LRRTM4: variants seen among roughly 807,000 people sequenced by gnomAD.
The protein encoded by LRRTM4 is leucine rich repeat transmembrane neuronal 4.
In LRRTM4, 25 loss-of-function variants were observed where a neutral mutation model predicts 47.6. That is an observed-to-expected ratio of 0.53 (90% CI 0.38 to 0.73). The LOEUF (loss-of-function observed/expected upper bound fraction) is 0.73. Ranked by LOEUF, LRRTM4 falls within the 30% of genes least tolerant of loss-of-function variation. LRRTM4 has a pLI of 0.00. For missense variants in LRRTM4, 638 were observed against 713.4 expected (o/e 0.89, Z 1.20); for synonymous variants, 311 against 269.5 (o/e 1.15, Z -1.51).
chr2:77,434,798 A>G (rs1479423607), intron 3 of LRRTM4, among the ~76,000 whole-genome samples: 1 of 152,196 alleles, frequency 6.6e-6, no homozygotes. Flanking sequence ...TGGTAAAATC[A>G]GAAATAAAAT....
At chr2:76,947,527 C>A (rs1675361932) in intron 3 of LRRTM4, among the ~76,000 whole-genome samples, 1 of 151,742 alleles carries the variant, frequency 6.6e-6, no homozygotes, top group Admixed American at 6.6e-5. Flanking sequence ...ATTTAGTGTT[C>A]ACTCATAATG....
chr2:77,261,391 G>A (rs10177448), intron 3 of LRRTM4, among the ~76,000 whole-genome samples: 18,712 of 152,028 alleles, frequency 0.12, 3,861 homozygotes, highest in African/African-American at 0.42. Context: ...GTGAAAAGCC[G>A]TTTTGTAACC....
rs913848542 is a variant in LRRTM4 at position 77,521,699 on chromosome 2, C to T, written c.-28G>A. On this transcript the variant is annotated 5_prime_UTR_variant, in exon 2 of 4. Transcript: ENST00000409884. ...TTTGTCATCCAAAAACGTTTCCCCC[C>T]TCTCTCAGCTTTCTTCTTATTTGGT... 3 of 1,611,972 alleles carry T rather than the reference C, an allele frequency of 1.9e-6. No homozygotes were observed. Among genetic ancestry groups the T allele is most frequent in the Non-Finnish European group, 2.5e-6 (3 of 1,178,916 alleles).
intron 3 of LRRTM4, among the ~76,000 whole-genome samples, chr2:77,001,809 C>T (rs563765794): frequency 1.3e-5 from 2 of 152,186 alleles, no homozygotes; most frequent in Admixed American, 6.6e-5. Flanking sequence ...TAGTTCAACA[C>T]TGTTGACAAA....
At chr2:76,926,197 C>T (rs1033402017) in intron 3 of LRRTM4, among the ~76,000 whole-genome samples, 1 of 152,068 alleles carries the variant, frequency 6.6e-6, no homozygotes, top group Non-Finnish European at 1.5e-5. Context: ...AGGAAATGTG[C>T]AATGTGTCTA....
intron 3 of LRRTM4, among the ~76,000 whole-genome samples, chr2:77,381,058 T>C (rs2103791666): frequency 6.6e-6 from 1 of 152,212 alleles, no homozygotes; most frequent in South Asian, 2.1e-4. Context: ...TTTTGAATTT[T>C]CTAATCTTTT....
At chr2:77,404,764 G>A (rs1161839544) in intron 3 of LRRTM4, among the ~76,000 whole-genome samples, 1 of 152,068 alleles carries the variant, frequency 6.6e-6, no homozygotes. Flanking sequence ...GCCAGATTCA[G>A]TTAACTCAAC....
chr2:77,054,502 T>C (rs1333383395), intron 3 of LRRTM4, among the ~76,000 whole-genome samples: 1 of 152,198 alleles, frequency 6.6e-6, no homozygotes. Flanking sequence ...ATCAAAGCTA[T>C]TTAATTAAAT....
intron 3 of LRRTM4, among the ~76,000 whole-genome samples, chr2:76,902,370 C>G (rs78194366): frequency 2.6e-5 from 4 of 152,206 alleles, no homozygotes; most frequent in African/African-American, 9.6e-5. Context: ...TTAGCCAGCC[C>G]CTATCCAATT....
chr2:77,017,655 T>C (rs972432430), intron 3 of LRRTM4, among the ~76,000 whole-genome samples: 2 of 152,178 alleles, frequency 1.3e-5, no homozygotes, highest in African/African-American at 4.8e-5. Context: ...ACACTTTGTA[T>C]ATACATAACT....
At chr2:77,314,076 TG>T (rs2104207029) in intron 3 of LRRTM4, among the ~76,000 whole-genome samples, 3 of 152,322 alleles carry the variant, frequency 2.0e-5, no homozygotes, top group African/African-American at 7.2e-5. Flanking sequence ...TTTTAGAGGA[TG>T]TCTAGATTTC....
intron 3 of LRRTM4, among the ~76,000 whole-genome samples, chr2:77,308,989 C>T (rs1677370522): frequency 6.6e-6 from 1 of 152,062 alleles, no homozygotes; most frequent in African/African-American, 2.4e-5. Flanking sequence ...CCAGAATTTC[C>T]TGGCATAGAT....
chr2:76,961,630 C>T (rs1005987324), intron 3 of LRRTM4, among the ~76,000 whole-genome samples: 19 of 151,256 alleles, frequency 1.3e-4, no homozygotes, highest in African/African-American at 3.9e-4. Context: ...GTAAGAAAGG[C>T]GTTAGATTCC....
intron 3 of LRRTM4, among the ~76,000 whole-genome samples, chr2:77,448,527 A>G (rs992569122): frequency 6.6e-6 from 1 of 152,190 alleles, no homozygotes; most frequent in Non-Finnish European, 1.5e-5. Context: ...TGCAGTCTGC[A>G]TTTCAAATTA....
intron 3 of LRRTM4, among the ~76,000 whole-genome samples, chr2:76,983,468 G>C (rs1276571898): frequency 6.6e-6 from 1 of 151,854 alleles, no homozygotes; most frequent in Non-Finnish European, 1.5e-5. Flanking sequence ...TTTATAAATG[G>C]GAGTTCCCTG....
intron 3 of LRRTM4, among the ~76,000 whole-genome samples, chr2:77,138,136 C>G (rs962180665): frequency 1.6e-4 from 24 of 152,178 alleles, no homozygotes; most frequent in Non-Finnish European, 3.2e-4. Flanking sequence ...TAATAGACAT[C>G]TACAGAACTC....
chr2:76,999,656 C>G (rs1381617749), intron 3 of LRRTM4, among the ~76,000 whole-genome samples: 1 of 152,056 alleles, frequency 6.6e-6, no homozygotes, highest in Admixed American at 6.6e-5. Context: ...TTCACTTAAG[C>G]TGTTAATACA....
At chr2:77,129,109 G>A (rs1310355618) in intron 3 of LRRTM4, among the ~76,000 whole-genome samples, 1 of 152,056 alleles carries the variant, frequency 6.6e-6, no homozygotes, top group African/African-American at 2.4e-5. Flanking sequence ...CTTACACAAA[G>A]CTTCCAGGCA....
chr2:77,108,565 G>C (rs937368505), intron 3 of LRRTM4, among the ~76,000 whole-genome samples: 1 of 149,032 alleles, frequency 6.7e-6, no homozygotes, highest in Non-Finnish European at 1.5e-5. Context: ...ATTTTTTAAA[G>C]AACACAAACA....
Sources: gnomAD v4.1 joint callset for allele counts (sites outside exome capture counted in the v4.1 genomes callset) on GRCh38, gnomAD v4.1.1 for gene constraint, MANE v1.5 for transcripts, NCBI Gene and HGNC (gene_info 2026-07-23, HGNC 2026-07-21) for gene names.